ATXN1: variants seen among roughly 807,000 people sequenced by gnomAD.
ATXN1 encodes the protein ataxin-1.
Under a neutral mutation model 56.4 loss-of-function variants are expected in ATXN1, and 8 were observed. That is an observed-to-expected ratio of 0.14 (90% CI 0.08 to 0.26). The LOEUF (loss-of-function observed/expected upper bound fraction) is 0.26, where lower values mean the gene tolerates loss of function less well. ATXN1 is among the 10% of genes least tolerant of loss of function. The pLI is 1.00. For synonymous variants in ATXN1, 514 were observed against 494.6 expected, an observed-to-expected ratio of 1.04 and a Z score of -0.52; for missense variants, 987 against 1,106.5, an observed-to-expected ratio of 0.89 and a Z score of 1.53.
At chr6:16,697,025 C>T (rs1759179335) in intron 2 of ATXN1, among the ~76,000 whole-genome samples, 1 of 152,168 alleles carries the variant, frequency 6.6e-6, no homozygotes, top group Non-Finnish European at 1.5e-5. Context: ...TTTGGGACAC[C>T]ACACTGTCAC....
rs1561851400 is a variant in ATXN1, at chr6:16,326,556, C to T, written c.1755G>A (p.Gly585=). ...MKGSIIQLAN[G]ELKKVEDLKT... Reference sequence around the variant, plus strand: ...TTAAGTCTTCCACCTTCTTTAGCTCCCCGTTGGCCAACTGGATGATGGAGC... The same window carrying T: ...TTAAGTCTTCCACCTTCTTTAGCTCTCCGTTGGCCAACTGGATGATGGAGC... Residue 585 remains glycine, a synonymous_variant, in exon 7 of 8, where the codon GGG becomes GGA. Coordinates refer to ENST00000436367, the MANE Select transcript of ATXN1 (RefSeq NM_001128164.2). This position sits in a 1 kb window ranked among gnomAD's most constrained non-coding sequence, Gnocchi z 6.6. 4 of 1,614,192 alleles carry T rather than the reference C, an allele frequency of 2.5e-6. No individual in the cohort carries two copies. The highest frequency in any genetic ancestry group is 1.1e-5 in the South Asian group (1 of 91,086).
intron 6 of ATXN1, among the ~76,000 whole-genome samples, chr6:16,483,265 G>T (rs970568403): frequency 6.6e-6 from 1 of 152,152 alleles, no homozygotes; most frequent in Non-Finnish European, 1.5e-5. Context: ...CATCTGCAAG[G>T]ACTGCTGAGC....
At chr6:16,474,864 A>ACACACACACT (rs1554108897) in intron 6 of ATXN1, among the ~76,000 whole-genome samples, 1 of 148,936 alleles carries the variant, frequency 6.7e-6, no homozygotes, top group African/African-American at 2.5e-5. Context: ...ACACACACAC[A>ACACACACACT]CTCTCTCTCT....
intron 6 of ATXN1, among the ~76,000 whole-genome samples, chr6:16,418,726 C>G (rs1191881094): frequency 8.0e-6 from 1 of 124,848 alleles, no homozygotes; most frequent in Non-Finnish European, 1.7e-5. Context: ...TCCCCCCACC[C>G]CACAACAGTC....
intron 6 of ATXN1, among the ~76,000 whole-genome samples, chr6:16,355,630 C>T (rs761487451): frequency 6.6e-6 from 1 of 151,680 alleles, no homozygotes; most frequent in Non-Finnish European, 1.5e-5. Context: ...GGCACGATCT[C>T]GGCTCACTGC....
intron 6 of ATXN1, among the ~76,000 whole-genome samples, chr6:16,455,433 T>C (rs915073927): frequency 2.0e-5 from 3 of 152,216 alleles, no homozygotes; most frequent in African/African-American, 7.2e-5. Flanking sequence ...CTGGCAAGGA[T>C]GCAGAGCCAT....
At chr6:16,527,318 C>CA (rs1761414913) in intron 4 of ATXN1, among the ~76,000 whole-genome samples, 1 of 152,026 alleles carries the variant, frequency 6.6e-6, no homozygotes, top group Non-Finnish European at 1.5e-5. Context: ...ATCGTGTCTC[C>CA]AGCCATGGAG....
At chr6:16,645,113 T>C (rs772847385) in intron 3 of ATXN1, among the ~76,000 whole-genome samples, 3 of 152,220 alleles carry the variant, frequency 2.0e-5, no homozygotes, top group Non-Finnish European at 4.4e-5. Flanking sequence ...AAACACTGCA[T>C]TGCCTGTTGC....
intron 4 of ATXN1, among the ~76,000 whole-genome samples, chr6:16,576,471 T>C (rs1047607283): frequency 6.6e-6 from 1 of 152,186 alleles, no homozygotes; most frequent in African/African-American, 2.4e-5. Context: ...CTGCACACAA[T>C]AGAGAATCTG....
At chr6:16,451,503 C>T (rs1193389175) in intron 6 of ATXN1, among the ~76,000 whole-genome samples, 1 of 151,930 alleles carries the variant, frequency 6.6e-6, no homozygotes, top group Admixed American at 6.6e-5. Context: ...TGCCTGTAAT[C>T]CCAGCACTTT....
At chr6:16,531,409 G>A (rs1761501216) in intron 4 of ATXN1, among the ~76,000 whole-genome samples, 1 of 152,168 alleles carries the variant, frequency 6.6e-6, no homozygotes, top group Non-Finnish European at 1.5e-5. Context: ...GATCACCTGA[G>A]GTCAGAAGTT....
chr6:16,377,647 A>T (rs2113500488), intron 6 of ATXN1, among the ~76,000 whole-genome samples: 1 of 152,214 alleles, frequency 6.6e-6, no homozygotes, highest in Non-Finnish European at 1.5e-5. Flanking sequence ...AGCAGAGAGG[A>T]ACAAGACTAT....
At chr6:16,649,125 T>C (rs1763851934) in intron 3 of ATXN1, among the ~76,000 whole-genome samples, 1 of 152,122 alleles carries the variant, frequency 6.6e-6, no homozygotes, top group African/African-American at 2.4e-5. Context: ...TTCTTTTTAG[T>C]GGTGTTTTTG....
intron 6 of ATXN1, among the ~76,000 whole-genome samples, chr6:16,352,326 A>AAGGG (rs1761586844): frequency 1.3e-5 from 2 of 152,220 alleles, no homozygotes; most frequent in Admixed American, 1.3e-4. Flanking sequence ...GGAGAGCCTG[A>AAGGG]AGGGACCAGC....
intron 6 of ATXN1, among the ~76,000 whole-genome samples, chr6:16,384,563 C>T (rs900282132): frequency 6.6e-6 from 1 of 152,196 alleles, no homozygotes; most frequent in Admixed American, 6.5e-5. Flanking sequence ...GTGTCCCCAC[C>T]CAAATCTCAT....
intron 3 of ATXN1, among the ~76,000 whole-genome samples, chr6:16,607,024 T>C (rs1043905675): frequency 1.3e-5 from 2 of 151,950 alleles, no homozygotes; most frequent in African/African-American, 4.8e-5. Context: ...GTAGCTGGGA[T>C]TACAGGCATG....
intron 7 of ATXN1, among the ~76,000 whole-genome samples, chr6:16,323,545 A>AAG (rs1250734949): frequency 6.6e-6 from 1 of 151,008 alleles, no homozygotes; most frequent in African/African-American, 2.4e-5. Flanking sequence ...AAAAAAAAAA[A>AAG]AAAAAAAAAA....
intron 7 of ATXN1, among the ~76,000 whole-genome samples, chr6:16,308,062 G>A (rs1024320959): frequency 6.6e-6 from 1 of 152,054 alleles, no homozygotes; most frequent in Admixed American, 6.5e-5. Flanking sequence ...GCTGAGGCAG[G>A]AGAATCGTTT....
intron 5 of ATXN1, among the ~76,000 whole-genome samples, chr6:16,520,792 G>A (rs17595094): frequency 0.053 from 8,116 of 152,220 alleles, 276 homozygotes; most frequent in Non-Finnish European, 0.086. Flanking sequence ...TGTAGACCCA[G>A]CTCTGTGGAC....
Sources: gnomAD v4.1 joint callset for allele counts (sites outside exome capture counted in the v4.1 genomes callset) on GRCh38, gnomAD v4.1.1 for gene constraint, Gnocchi (gnomAD v3.1) non-coding constraint, MANE v1.5 for transcripts, NCBI Gene and HGNC (gene_info 2026-07-23, HGNC 2026-07-21) for gene names.